Variants in CD99L2 observed in about 807,000 individuals in gnomAD.
CD99L2 encodes CD99 antigen-like protein 2.
In CD99L2, 24 loss-of-function variants were observed where a neutral mutation model predicts 27.3. The observed-to-expected ratio is 0.88, with a 90% CI of 0.64 to 1.24. The LOEUF (loss-of-function observed/expected upper bound fraction) is 1.24, where lower values mean the gene tolerates loss of function less well. Ranked by LOEUF, CD99L2 falls within the 50% of genes most tolerant of loss-of-function variation. The pLI, the probability that CD99L2 is intolerant of heterozygous loss-of-function variation, is 0.00. For synonymous variants in CD99L2, 97 were observed against 87.9 expected (o/e 1.10, Z -0.58); for missense variants, 255 against 221.6 (o/e 1.15, Z -0.96).
chrX:150,858,831 A>G (rs1557421825), intron 1 of CD99L2, among the ~76,000 whole-genome samples: 1 of 111,925 alleles, frequency 8.9e-6, no homozygotes, highest in Non-Finnish European at 1.9e-5. Flanking sequence ...GTAGAAGGAA[A>G]GAAAGAAAGA....
chrX:150,874,042 G>A (rs2047194547), intron 1 of CD99L2, among the ~76,000 whole-genome samples: 1 of 112,653 alleles, frequency 8.9e-6, no homozygotes, highest in South Asian at 3.6e-4. Context: ...GGACCATTTA[G>A]TCACCATAAA....
chrX:150,866,114 C>A (rs781968126), intron 1 of CD99L2, among the ~76,000 whole-genome samples: 55 of 111,592 alleles, frequency 4.9e-4, no homozygotes, highest in Non-Finnish European at 9.2e-4. Context: ...CAGAGTGAGA[C>A]CCTGTCTCAA....
intron 1 of CD99L2, among the ~76,000 whole-genome samples, chrX:150,842,437 G>GTTAGAGAA (rs1603304150): frequency 8.9e-6 from 1 of 112,130 alleles, no homozygotes; most frequent in Non-Finnish European, 1.9e-5. Flanking sequence ...AGCTGCCCTT[G>GTTAGAGAA]TTAGAGAATT....
chrX:150,839,220 A>G (rs1390192474), intron 1 of CD99L2, among the ~76,000 whole-genome samples: 2 of 111,961 alleles, frequency 1.8e-5, no homozygotes, highest in African/African-American at 6.5e-5. Flanking sequence ...CCAAAATTCT[A>G]AGGTAGACTT....
At chrX:150,898,336 G>A (rs1434655639) in intron 1 of CD99L2, among the ~76,000 whole-genome samples, 186 bp downstream of exon 1, 1 of 111,487 alleles carries the variant, frequency 9.0e-6, no homozygotes, top group Admixed American at 9.3e-5. Context: ...CTCCGACCGC[G>A]GCGGAGTCAA....
intron 1 of CD99L2, among the ~76,000 whole-genome samples, chrX:150,843,330 C>T (rs1257550388): frequency 2.7e-5 from 3 of 112,030 alleles, no homozygotes; most frequent in Non-Finnish European, 5.6e-5. Context: ...ACCTAAACTG[C>T]ATCGGTTTTT....
chrX:150,790,907 A>T (rs782802056), intron 7 of CD99L2, among the ~76,000 whole-genome samples: 34 of 111,642 alleles, frequency 3.0e-4, no homozygotes, highest in African/African-American at 1.0e-3. Flanking sequence ...TGAAGTCCTA[A>T]CCTCCAATGT....
At chrX:150,872,553 A>AC (rs1186730341) in intron 1 of CD99L2, among the ~76,000 whole-genome samples, 8 of 105,105 alleles carry the variant, frequency 7.6e-5, no homozygotes, top group African/African-American at 2.8e-4. Flanking sequence ...AAAAAAAAAA[A>AC]AAAACTTAAG....
chrX:150,792,795 C>G (rs1557419750), intron 7 of CD99L2, among the ~76,000 whole-genome samples: 1 of 112,346 alleles, frequency 8.9e-6, no homozygotes, highest in African/African-American at 3.2e-5. Flanking sequence ...CAGGTTACAA[C>G]CACAAGTTAC....
chrX:150,779,383 TC>T (rs10707732), intron 7 of CD99L2, among the ~76,000 whole-genome samples: 1,125 of 112,230 alleles, frequency 0.01, 19 homozygotes, highest in African/African-American at 0.035. Context: ...AAAAAAGTGA[TC>T]CCATCCTGTG....
chrX:150,888,248 T>C (rs781936748), intron 1 of CD99L2, among the ~76,000 whole-genome samples: 4 of 111,846 alleles, frequency 3.6e-5, no homozygotes, highest in Middle Eastern at 4.6e-3. Flanking sequence ...ACAGCAGCAC[T>C]ACTCACAATA....
intron 1 of CD99L2, among the ~76,000 whole-genome samples, chrX:150,883,195 CA>C (rs2047358881): frequency 9.0e-6 from 1 of 111,177 alleles, no homozygotes; most frequent in Admixed American, 9.6e-5. Context: ...ATCTCAAAAA[CA>C]AAAACAAAAA....
chrX:150,852,491 T>C (rs1326584682), intron 1 of CD99L2, among the ~76,000 whole-genome samples: 3 of 110,291 alleles, frequency 2.7e-5, no homozygotes, highest in African/African-American at 9.9e-5. Flanking sequence ...AACAGCTTTG[T>C]TGAAAGTGTG....
At chrX:150,839,022 G>A (rs782727564) in intron 1 of CD99L2, among the ~76,000 whole-genome samples, 25 of 107,805 alleles carry the variant, frequency 2.3e-4, no homozygotes, top group African/African-American at 7.8e-4. Flanking sequence ...AAAACAAAAT[G>A]GCAAAAAAAT....
chrX:150,794,865 C>T (rs1330226866), intron 6 of CD99L2, among the ~76,000 whole-genome samples: 2 of 112,610 alleles, frequency 1.8e-5, no homozygotes, highest in Non-Finnish European at 3.7e-5. Context: ...GTGCCGCTCT[C>T]CTCAATACAA....
chrX:150,814,697 G>A (rs1447364730), intron 4 of CD99L2, among the ~76,000 whole-genome samples, 165 bp downstream of exon 4: 1 of 111,928 alleles, frequency 8.9e-6, no homozygotes, highest in Non-Finnish European at 1.9e-5. Flanking sequence ...ATGATTTGGG[G>A]AGTCCTGAGA....
chrX:150,793,964 A>G (rs985561747), intron 6 of CD99L2, among the ~76,000 whole-genome samples: 3 of 111,273 alleles, frequency 2.7e-5, no homozygotes, highest in African/African-American at 9.8e-5. Context: ...GAGTGGAACC[A>G]TGGATAGGAT....
intron 2 of CD99L2, among the ~76,000 whole-genome samples, chrX:150,824,683 A>AGAAGAG (rs1215986242): frequency 1.2e-4 from 5 of 41,875 alleles, no homozygotes; most frequent in Non-Finnish European, 5.0e-5. Flanking sequence ...AGGAAGAAGA[A>AGAAGAG]GAAGAGGAAG....
At position 150,775,571 on chromosome X, in the gene CD99L2, G is replaced by T. The variant is rs145503521; in HGVS notation, c.655+603C>A. On this transcript the variant is annotated intron_variant, in intron 9 of 10. Transcript: ENST00000370377. ...AACCTAGTAAAGGGTGGTGGGTCGGGGGGGAACCACACCATTCTTTCTCTC... is the reference window on the plus strand; with the variant it reads ...AACCTAGTAAAGGGTGGTGGGTCGGTGGGGAACCACACCATTCTTTCTCTC... 4.4e-3 allele frequency among the ~76,000 whole-genome samples: 499 copies of T among 112,633 alleles called. 2 individuals carry two copies. The highest frequency in any genetic ancestry group is 0.015 in the African/African-American group (455 of 31,046).
Sources: gnomAD v4.1 joint callset for allele counts (sites outside exome capture counted in the v4.1 genomes callset) on GRCh38, gnomAD v4.1.1 for gene constraint, MANE v1.5 for transcripts, NCBI Gene and HGNC (gene_info 2026-07-23, HGNC 2026-07-21) for gene names.